Variants in YEATS2 observed in about 807,000 individuals in gnomAD.
YEATS2 encodes YEATS domain-containing protein 2.
In YEATS2, 77 loss-of-function variants were observed where a neutral mutation model predicts 163.2. The ratio of observed to expected loss-of-function variants is 0.47; its 90% CI spans 0.39 to 0.57. The LOEUF is 0.57. Among genes scored for constraint, YEATS2 ranks in the 20% least tolerant of loss-of-function variants. YEATS2 has a pLI of 0.00. For synonymous variants in YEATS2, 631 were observed against 645.1 expected (o/e 0.98, Z 0.33); for missense variants, 1,549 against 1,729.8 (o/e 0.90, Z 1.85).
In YEATS2 at chr3:183,760,313, A is replaced by AG. The variant is rs1283432086; in HGVS notation, c.1657-1194_1657-1193insG. Among the ~76,000 whole-genome samples the AG allele has an allele frequency of 1.6e-3, 175 of 110,262 alleles. 25 individuals carry two copies. Among genetic ancestry groups the AG allele is most frequent in the East Asian group, 2.0e-3 (7 of 3,534 alleles). 72.3% of individuals were successfully genotyped at this position (110,262 alleles called of 152,430 possible). A position where few individuals can be genotyped will look rare whatever the true frequency, so the allele number is the denominator to read the frequency against. Reference sequence around the variant, plus strand: ...TTGAGAATTAAAGAGAAACTACAGAATTTTTTTTTTTTTTTTTTTTTTTTT... The same window carrying AG: ...TTGAGAATTAAAGAGAAACTACAGAAGTTTTTTTTTTTTTTTTTTTTTTTTT... On this transcript the variant is annotated intron_variant, in intron 13 of 30. Transcript: ENST00000305135.
intron 11 of YEATS2, among the ~76,000 whole-genome samples, chr3:183,755,474 G>A (rs1720628271): frequency 6.6e-6 from 1 of 152,166 alleles, no homozygotes; most frequent in South Asian, 2.1e-4. Flanking sequence ...TACTTCAGAG[G>A]TGGAATAGGC....
rs1320837603 is a variant in YEATS2, at chr3:183,811,801, G to A, written c.*1218G>A. On this transcript the variant is annotated 3_prime_UTR_variant, in exon 31 of 31. Transcript: ENST00000305135. The stretch of plus-strand genomic sequence containing the variant: ...CCCAGTCAGAAATCTGTTCTATTCT[G>A]CTCCAGGAAAATCGGAAACCTGTGA... 1 of 152,240 alleles carries A rather than the reference G, an allele frequency of 6.6e-6. No individual in the cohort carries two copies. Among genetic ancestry groups the A allele is most frequent in the Non-Finnish European group, 1.5e-5 (1 of 68,064 alleles). 9.4% of individuals were successfully genotyped at this position (152,240 alleles called of 1,614,324 possible).
intron 8 of YEATS2, among the ~76,000 whole-genome samples, chr3:183,744,991 C>T (rs912174445): frequency 6.6e-6 from 1 of 152,176 alleles, no homozygotes; most frequent in Non-Finnish European, 1.5e-5. Flanking sequence ...GCTGGGACTA[C>T]AGGTGCACGC....
chr3:183,741,014 C>T (rs1718897897), intron 8 of YEATS2, among the ~76,000 whole-genome samples: 1 of 152,126 alleles, frequency 6.6e-6, no homozygotes, highest in Non-Finnish European at 1.5e-5. Context: ...TCTCGGCTCA[C>T]TGCAACCTTT....
chr3:183,715,169 G>A lies in YEATS2; in HGVS notation c.7G>A (p.Gly3Arg), dbSNP rs768205736. The A allele has an allele frequency of 2.5e-6, 4 of 1,611,326 alleles. No homozygotes were observed. Among genetic ancestry groups the A allele is most frequent in the Non-Finnish European group, 3.4e-6 (4 of 1,177,930 alleles). ...TGAAGAACTGAATGTCATCATGTCT[G>A]GAATCAAGCGAACCATCAAAGAAAC... MS[G>R]IKRTIKETDP... The change falls in exon 2 of 31, where the codon GGA (glycine) becomes AGA (arginine). Residue 3 changes from glycine to arginine, a missense_variant. By Grantham distance (125) the Gly-to-Arg change is moderately radical. Transcript: ENST00000305135.
At chr3:183,802,542 C>CACGTGTATATATATACACGTGTATATAT (rs1560335229) in intron 25 of YEATS2, 1 of 49,376 alleles carries the variant, frequency 2.0e-5, no homozygotes, top group African/African-American at 7.2e-5. Context: ...CGTGTATATA[C>CACGTGTATATATATACACGTGTATATAT]ACACACACAT....
At chr3:183,750,190 C>T (rs1720018191) in intron 9 of YEATS2, among the ~76,000 whole-genome samples, 2 of 152,166 alleles carry the variant, frequency 1.3e-5, no homozygotes, top group South Asian at 2.1e-4. Context: ...AACTCCTGGG[C>T]TCAAGCTGTC....
chr3:183,793,290 C>T (rs540201812), intron 21 of YEATS2: 107 of 1,134,410 alleles, frequency 9.4e-5, no homozygotes, highest in Middle Eastern at 2.5e-4. Flanking sequence ...AGCTCCACAC[C>T]AGGCCCCTTG....
At chr3:183,715,897 G>A (rs1424460716) in intron 2 of YEATS2, among the ~76,000 whole-genome samples, 1 of 152,120 alleles carries the variant, frequency 6.6e-6, no homozygotes, top group Non-Finnish European at 1.5e-5. Flanking sequence ...CATCAACTGG[G>A]TGTCTGTTGT....
chr3:183,720,395 C>G (rs1716369307), intron 4 of YEATS2, among the ~76,000 whole-genome samples: 1 of 151,842 alleles, frequency 6.6e-6, no homozygotes, highest in Admixed American at 6.6e-5. Flanking sequence ...TTTTTACTTT[C>G]TTTTTCCTAA....
chr3:183,732,359 A>C (rs1181508360), intron 7 of YEATS2, among the ~76,000 whole-genome samples: 1 of 151,558 alleles, frequency 6.6e-6, no homozygotes, highest in African/African-American at 2.4e-5. Flanking sequence ...AGGCTGAGGC[A>C]GGAGAGTTGC....
chr3:183,736,623 A>T, intron 7 of YEATS2, 95 bp from the exon 8 acceptor site: 1 of 783,496 alleles, frequency 1.3e-6, no homozygotes, highest in Non-Finnish European at 2.0e-6. Context: ...CTCAGAAGAC[A>T]GTGAATTTCT....
chr3:183,755,061 T>A (rs1305465425), intron 11 of YEATS2, among the ~76,000 whole-genome samples: 1 of 152,164 alleles, frequency 6.6e-6, no homozygotes, highest in Non-Finnish European at 1.5e-5. Context: ...AGTAGACAGC[T>A]AAGTAGAAAT....
chr3:183,743,152 C>T (rs538650671), intron 8 of YEATS2, among the ~76,000 whole-genome samples: 35 of 152,198 alleles, frequency 2.3e-4, no homozygotes, highest in Non-Finnish European at 4.3e-4. Flanking sequence ...CTGCAATTAT[C>T]TCTGAGGTAT....
chr3:183,802,967 T>C, intron 25 of YEATS2: 1 of 338,558 alleles, frequency 3.0e-6, no homozygotes, highest in Non-Finnish European at 5.5e-6. Context: ...GGTCCAGGGC[T>C]CCTAGTGGAG....
chr3:183,768,668 C>T (rs1722156211), intron 15 of YEATS2, among the ~76,000 whole-genome samples: 1 of 152,072 alleles, frequency 6.6e-6, no homozygotes, highest in African/African-American at 2.4e-5. Context: ...AGGTCCCCTG[C>T]AGAATGAAGT....
In YEATS2 at chr3:183,721,890, G is replaced by A. The variant is rs996818420; in HGVS notation, c.292-1G>A. On this transcript the variant is annotated splice_acceptor_variant, in intron 4 of 30. Coordinates refer to ENST00000305135, the MANE Select transcript of YEATS2 (RefSeq NM_018023.5). LOFTEE classifies it high-confidence loss of function. ...TATTTGCTTGCTTTCATTTTTTGTA[G>A]GGATCAAAGACATGTGATACAATGG... 6.2e-7 allele frequency: 1 copy of A among 1,605,254 alleles called. No individual in the cohort carries two copies. Among genetic ancestry groups the A allele is most frequent in the East Asian group, 2.2e-5 (1 of 44,748 alleles).
chr3:183,806,629 T>C, intron 27 of YEATS2: 1 of 535,410 alleles, frequency 1.9e-6, no homozygotes, highest in South Asian at 2.0e-5. Context: ...TTCCTACTCT[T>C]TCATCTTAGA....
At chr3:183,744,666 T>G (rs577744412) in intron 8 of YEATS2, among the ~76,000 whole-genome samples, 1 of 152,306 alleles carries the variant, frequency 6.6e-6, no homozygotes, top group East Asian at 1.9e-4. Context: ...CTTGAGACCC[T>G]AAACACCTGT....
Sources: gnomAD v4.1 joint callset for allele counts (sites outside exome capture counted in the v4.1 genomes callset) on GRCh38, gnomAD v4.1.1 for gene constraint, MANE v1.5 for transcripts, NCBI Gene and HGNC (gene_info 2026-07-23, HGNC 2026-07-21) for gene names.